CERS3: variants seen among roughly 807,000 people sequenced by gnomAD.
The protein encoded by CERS3 is LAG1 homolog, ceramide synthase 3.
In CERS3, 33 loss-of-function variants were observed where a neutral mutation model predicts 50.3. That is an observed-to-expected ratio of 0.66 (90% CI 0.50 to 0.88). The LOEUF is 0.88. Ranked by LOEUF, CERS3 falls within the 40% of genes least tolerant of loss-of-function variation. The pLI is 0.00. For missense variants in CERS3, 470 were observed against 460.3 expected (o/e 1.02, Z -0.19); for synonymous variants, 176 against 155.2 (o/e 1.13, Z -0.99).
Position 100,418,277 on chromosome 15 carries a change from G to A in CERS3, c.1000-15412C>T, listed in dbSNP as rs558302799. On this transcript the variant is annotated intron_variant, in intron 11 of 11. Transcript: ENST00000679737. ...GAAAACCAAGGCCCGAGAACTACGTGAAGAATGCAGAAGCCTCAGAAGCCG... is the reference window on the plus strand; with the variant it reads ...GAAAACCAAGGCCCGAGAACTACGTAAAGAATGCAGAAGCCTCAGAAGCCG... Among the ~76,000 whole-genome samples, 307 of 152,238 alleles carry A rather than the reference G, an allele frequency of 2.0e-3. 1 individual carries two copies. Among genetic ancestry groups the A allele is most frequent in the South Asian group, 0.011 (53 of 4,828 alleles).
chr15:100,486,891 T>C (rs952691839), intron 4 of CERS3, among the ~76,000 whole-genome samples: 2 of 152,232 alleles, frequency 1.3e-5, no homozygotes, highest in African/African-American at 4.8e-5. Flanking sequence ...CAACTCAATT[T>C]TATTCTCCCA....
chr15:100,530,878 T>A (rs949083398), upstream of CERS3, among the ~76,000 whole-genome samples: 18 of 151,468 alleles, frequency 1.2e-4, no homozygotes, highest in Non-Finnish European at 2.5e-4. Context: ...AGGTCAGGAG[T>A]TTGAGACCAG....
At chr15:100,507,302 T>G (rs1236004662) in intron 2 of CERS3, among the ~76,000 whole-genome samples, 3 of 152,188 alleles carry the variant, frequency 2.0e-5, no homozygotes, top group Non-Finnish European at 4.4e-5. Context: ...GGTCATAGAC[T>G]CCATAAGCCA....
At chr15:100,428,012 C>G (rs181668749) in intron 11 of CERS3, among the ~76,000 whole-genome samples, 7 of 152,254 alleles carry the variant, frequency 4.6e-5, no homozygotes, top group African/African-American at 1.4e-4. Context: ...CCTGGTGTGT[C>G]CTTCCCAGCC....
chr15:100,522,275 A>G (rs2036661412), intron 1 of CERS3, among the ~76,000 whole-genome samples: 2 of 152,174 alleles, frequency 1.3e-5, no homozygotes, highest in South Asian at 4.1e-4. Flanking sequence ...CTGGTTCCCA[A>G]CCCTGGTTCT....
At chr15:100,497,372 A>G (rs2035852999) in intron 3 of CERS3, among the ~76,000 whole-genome samples, 1 of 151,894 alleles carries the variant, frequency 6.6e-6, no homozygotes, top group Non-Finnish European at 1.5e-5. Flanking sequence ...AAATACATAT[A>G]TATATGACAG....
intron 5 of CERS3, among the ~76,000 whole-genome samples, chr15:100,481,813 C>T (rs2035308578): frequency 6.6e-6 from 1 of 152,150 alleles, no homozygotes; most frequent in South Asian, 2.1e-4. Context: ...TCAGAGAAGC[C>T]CTAAACCAGG....
intron 5 of CERS3, among the ~76,000 whole-genome samples, chr15:100,483,643 T>C (rs2035383109): frequency 6.6e-6 from 1 of 151,934 alleles, no homozygotes; most frequent in Admixed American, 6.6e-5. Context: ...TCAGAAGATC[T>C]GAATGCAACA....
intron 7 of CERS3, among the ~76,000 whole-genome samples, chr15:100,476,636 G>A (rs2035136109): frequency 6.6e-6 from 1 of 152,070 alleles, no homozygotes; most frequent in African/African-American, 2.4e-5. Flanking sequence ...ATTCTAAAAT[G>A]GGACAGTAAT....
chr15:100,405,808 G>A lies in CERS3; in HGVS notation c.1000-2943C>T, dbSNP rs1345746937. Among the ~76,000 whole-genome samples the A allele has an allele frequency of 3.3e-5, 5 of 152,210 alleles. No individual in the cohort carries two copies. In the East Asian group the frequency reaches 9.6e-4, roughly 29 times the overall value. ...CAAAACTCTACATCAACAGAAAAAT[G>A]TCCATTTTCCTGATAATAATTTTAA... On this transcript the variant is annotated intron_variant, in intron 11 of 11. Transcript: ENST00000679737.
intron 10 of CERS3, among the ~76,000 whole-genome samples, chr15:100,463,254 G>C (rs1439589526): frequency 1.3e-5 from 2 of 151,926 alleles, no homozygotes; most frequent in East Asian, 3.9e-4. Context: ...GGCCAACATG[G>C]TGAAACCCCG....
intron 1 of CERS3, among the ~76,000 whole-genome samples, chr15:100,536,438 C>A (rs1310953592): frequency 6.6e-6 from 1 of 152,098 alleles, no homozygotes; most frequent in Admixed American, 6.5e-5. Flanking sequence ...GCACATGCCA[C>A]CATGCCTGGC....
At chr15:100,511,597 C>T (rs62037079) in intron 2 of CERS3, among the ~76,000 whole-genome samples, 7,920 of 12,600 alleles carry the variant, frequency 0.63, 2,828 homozygotes, top group Non-Finnish European at 0.79. Context: ...TCCATTAATG[C>T]TCTGTTACAT....
intron 1 of CERS3, among the ~76,000 whole-genome samples, chr15:100,538,036 G>A (rs1011184192): frequency 6.6e-6 from 1 of 152,220 alleles, no homozygotes; most frequent in African/African-American, 2.4e-5. Context: ...ATGCAAGTTG[G>A]ACATTCAGCA....
At chr15:100,533,989 G>A (rs1401085577) in intron 1 of CERS3, among the ~76,000 whole-genome samples, 1 of 152,188 alleles carries the variant, frequency 6.6e-6, no homozygotes, top group Admixed American at 6.5e-5. Flanking sequence ...TTCATGCAAA[G>A]GAGTCTTAGA....
At chr15:100,534,438 T>G (rs543260180) in intron 1 of CERS3, among the ~76,000 whole-genome samples, 3 of 151,826 alleles carry the variant, frequency 2.0e-5, no homozygotes, top group Admixed American at 1.3e-4. Flanking sequence ...AAGCACAGTG[T>G]GAATGTTAGC....
chr15:100,504,456 T>G (rs905159341), intron 2 of CERS3, among the ~76,000 whole-genome samples: 1 of 152,092 alleles, frequency 6.6e-6, no homozygotes, highest in Non-Finnish European at 1.5e-5. Flanking sequence ...TTGGTCAGTC[T>G]GGTCTTGAAC....
chr15:100,466,056 A>G (rs1396921053), intron 10 of CERS3, among the ~76,000 whole-genome samples: 2 of 152,204 alleles, frequency 1.3e-5, no homozygotes, highest in South Asian at 2.1e-4. Flanking sequence ...GCCCTCTCCA[A>G]TGGGCAAGTG....
chr15:100,470,517 G>C (rs2034932447), intron 9 of CERS3, among the ~76,000 whole-genome samples: 1 of 152,116 alleles, frequency 6.6e-6, no homozygotes, highest in Non-Finnish European at 1.5e-5. Context: ...CCCAAATTCA[G>C]AGTGACTGTA....
Sources: gnomAD v4.1 joint callset for allele counts (sites outside exome capture counted in the v4.1 genomes callset) on GRCh38, gnomAD v4.1.1 for gene constraint, MANE v1.5 for transcripts, NCBI Gene and HGNC (gene_info 2026-07-23, HGNC 2026-07-21) for gene names.